Variants in CDH13 observed in about 807,000 individuals in gnomAD.
The protein encoded by CDH13 is cadherin 13.
Under a neutral mutation model 63.8 loss-of-function variants are expected in CDH13, and 24 were observed. The ratio of observed to expected loss-of-function variants is 0.38; its 90% CI spans 0.27 to 0.53. The LOEUF is 0.53. CDH13 is among the 20% of genes least tolerant of loss of function. CDH13 has a pLI of 0.85. For missense variants in CDH13, 1,049 were observed against 903.1 expected (o/e 1.16, Z -2.07); for synonymous variants, 503 against 355.3 (o/e 1.42, Z -4.67).
At chr16:82,896,999 T>C (rs1467286072) in intron 2 of CDH13, among the ~76,000 whole-genome samples, 1 of 128,548 alleles carries the variant, frequency 7.8e-6, no homozygotes, top group Non-Finnish European at 1.7e-5. Flanking sequence ...GCCAGGATGG[T>C]CTCAGTATCC....
rs193030482 is a variant in CDH13 at position 83,056,806 on chromosome 16, C to T, written c.366+24588C>T. ...TTCTCGTGATAGTGAATAAGTCTCA[C>T]GAGATTTGATGGTTTTATAGAAGAG... On this transcript the variant is annotated intron_variant, in intron 3 of 13. Coordinates refer to ENST00000567109, the MANE Select transcript of CDH13 (RefSeq NM_001257.5). 6.8e-4 allele frequency among the ~76,000 whole-genome samples: 104 copies of T among 152,164 alleles called. No individual in the cohort carries two copies. In the East Asian group the frequency reaches 9.1e-3, roughly 13 times the overall value.
At chr16:83,395,345 C>T (rs1006243966) in intron 6 of CDH13, among the ~76,000 whole-genome samples, 4 of 151,520 alleles carry the variant, frequency 2.6e-5, no homozygotes, top group Non-Finnish European at 5.9e-5. Context: ...AGATCAAATA[C>T]TCAAGGCTCC....
chr16:83,703,377 C>G (rs991887689), intron 10 of CDH13, among the ~76,000 whole-genome samples: 1 of 152,180 alleles, frequency 6.6e-6, no homozygotes, highest in African/African-American at 2.4e-5. Context: ...AGTTAGAAAA[C>G]AGCCCCAGTG....
intron 2 of CDH13, among the ~76,000 whole-genome samples, chr16:82,869,357 T>C (rs1452194217): frequency 2.6e-5 from 4 of 152,068 alleles, no homozygotes; most frequent in African/African-American, 9.7e-5. Flanking sequence ...TTTTTTTTTT[T>C]TTTCTTTTTA....
rs150288522 is a variant in CDH13 at position 83,062,071 on chromosome 16, C to T, written c.366+29853C>T. Reference sequence around the variant, plus strand: ...TATCAGGATGGCTGAGGCTTTAGAACCAGATGGAGTGCTGTGGCCTCTCTT... The same window carrying T: ...TATCAGGATGGCTGAGGCTTTAGAATCAGATGGAGTGCTGTGGCCTCTCTT... On this transcript the variant is annotated intron_variant, in intron 3 of 13. Coordinates refer to ENST00000567109, the MANE Select transcript of CDH13 (RefSeq NM_001257.5). 5.3e-3 allele frequency among the ~76,000 whole-genome samples: 813 copies of T among 152,266 alleles called. 5 individuals are homozygous for T. The highest frequency in any genetic ancestry group is 8.4e-3 in the Non-Finnish European group (571 of 68,020).
At chr16:83,041,601 G>C (rs2151488838) in intron 3 of CDH13, among the ~76,000 whole-genome samples, 1 of 152,258 alleles carries the variant, frequency 6.6e-6, no homozygotes, top group Non-Finnish European at 1.5e-5. Context: ...TATTTGGTAA[G>C]TACCTTGAGG....
chr16:83,697,506 G>A (rs760467243), intron 10 of CDH13, among the ~76,000 whole-genome samples: 15 of 152,246 alleles, frequency 9.9e-5, no homozygotes, highest in Admixed American at 5.2e-4. Context: ...TCTGCTGACC[G>A]TGAGTGCAAT....
At chr16:83,386,662 T>C (rs2091680525) in intron 6 of CDH13, among the ~76,000 whole-genome samples, 1 of 152,216 alleles carries the variant, frequency 6.6e-6, no homozygotes, top group South Asian at 2.1e-4. Context: ...GGTTGTATCT[T>C]CATTTAACTT....
intron 4 of CDH13, among the ~76,000 whole-genome samples, chr16:83,145,239 G>T (rs371819606): frequency 1.3e-5 from 2 of 152,134 alleles, no homozygotes; most frequent in South Asian, 2.1e-4. Context: ...TGACAAACTC[G>T]GAGCAGGGGT....
At chr16:83,779,437 A>AAAAAAAAAAAAT (rs1915360721) in intron 11 of CDH13, among the ~76,000 whole-genome samples, 1 of 147,082 alleles carries the variant, frequency 6.8e-6, no homozygotes, top group Non-Finnish European at 1.5e-5. Context: ...AAAAAAAAAA[A>AAAAAAAAAAAAT]AGTCTTATAT....
intron 4 of CDH13, among the ~76,000 whole-genome samples, chr16:83,208,309 C>T (rs548175172): frequency 1.3e-5 from 2 of 152,152 alleles, no homozygotes; most frequent in Non-Finnish European, 2.9e-5. Flanking sequence ...GCATGGTACT[C>T]CAGCTACCCA....
At chr16:83,122,458 A>G (rs1264563454) in intron 3 of CDH13, among the ~76,000 whole-genome samples, 3 of 152,256 alleles carry the variant, frequency 2.0e-5, no homozygotes, top group Non-Finnish European at 4.4e-5. Flanking sequence ...ACACCCTGAC[A>G]GTGTCACTCC....
At chr16:82,746,035 T>A (rs1223275392) in intron 1 of CDH13, among the ~76,000 whole-genome samples, 4 of 152,126 alleles carry the variant, frequency 2.6e-5, no homozygotes, top group African/African-American at 9.7e-5. Context: ...TCATTAGTCA[T>A]AACGTTTTAA....
chr16:83,647,010 C>G (rs535774445), intron 8 of CDH13, among the ~76,000 whole-genome samples: 2 of 151,902 alleles, frequency 1.3e-5, no homozygotes, highest in East Asian at 1.9e-4. Flanking sequence ...TCCCCTGGGT[C>G]TTAAATTACA....
intron 12 of CDH13, among the ~76,000 whole-genome samples, chr16:83,781,708 T>C (rs1205003327): frequency 6.6e-6 from 1 of 152,176 alleles, no homozygotes; most frequent in Non-Finnish European, 1.5e-5. Flanking sequence ...GGCTATAGCC[T>C]ATTTGAATAA....
chr16:83,220,054 G>A (rs945030432), intron 5 of CDH13, among the ~76,000 whole-genome samples: 3 of 152,158 alleles, frequency 2.0e-5, no homozygotes, highest in East Asian at 3.9e-4. Context: ...GGTTACTTAC[G>A]ACTGGCAGAC....
At chr16:83,727,365 T>G (rs1026274513) in intron 10 of CDH13, among the ~76,000 whole-genome samples, 3 of 152,072 alleles carry the variant, frequency 2.0e-5, no homozygotes, top group Non-Finnish European at 4.4e-5. Flanking sequence ...ATTCATCATT[T>G]TATTGTATTT....
At chr16:83,667,591 C>G (rs1292647892) in intron 8 of CDH13, among the ~76,000 whole-genome samples, 1 of 152,034 alleles carries the variant, frequency 6.6e-6, no homozygotes, top group African/African-American at 2.4e-5. Flanking sequence ...GTGCTAGGAC[C>G]CTAAAATCGA....
At position 83,290,655 on chromosome 16, in the gene CDH13, G is replaced by A. The variant is rs1428788207; in HGVS notation, c.637-54207G>A. 3.9e-5 allele frequency among the ~76,000 whole-genome samples: 6 copies of A among 152,026 alleles called. No homozygotes were observed. In the South Asian group the frequency reaches 6.3e-4, roughly 16 times the overall value. Reference sequence around the variant, plus strand: ...ACAGAGTAATATATTCCCTCTTATCGAATGACTTCTACACAGTGTGAATGA... The same window carrying A: ...ACAGAGTAATATATTCCCTCTTATCAAATGACTTCTACACAGTGTGAATGA... On this transcript the variant is annotated intron_variant, in intron 5 of 13. Coordinates refer to ENST00000567109, the MANE Select transcript of CDH13 (RefSeq NM_001257.5).
Sources: gnomAD v4.1 joint callset for allele counts (sites outside exome capture counted in the v4.1 genomes callset) on GRCh38, gnomAD v4.1.1 for gene constraint, MANE v1.5 for transcripts, NCBI Gene and HGNC (gene_info 2026-07-23, HGNC 2026-07-21) for gene names.